C8A: variants seen among roughly 807,000 people sequenced by gnomAD.
The protein encoded by C8A is complement component C8 alpha chain.
Under a neutral mutation model 65.3 loss-of-function variants are expected in C8A, and 67 were observed. The observed-to-expected ratio is 1.03, with a 90% CI of 0.84 to 1.26. C8A has a LOEUF of 1.26. Among genes scored for constraint, C8A ranks in the 50% most tolerant of loss-of-function variants. The probability of loss-of-function intolerance (pLI) is 0.00; values close to 1 mark genes in which losing one functional copy is unlikely to be tolerated. For synonymous variants in C8A, 290 were observed against 259.4 expected, an observed-to-expected ratio of 1.12 and a Z score of -1.13; for missense variants, 781 against 723.9, an observed-to-expected ratio of 1.08 and a Z score of -0.90.
At chr1:56,855,633 T>A (rs1016248303) in intron 1 of C8A, among the ~76,000 whole-genome samples, 4 of 87,880 alleles carry the variant, frequency 4.6e-5, no homozygotes, top group African/African-American at 2.1e-4. Context: ...GCTTGCTTCA[T>A]GGGTTTTTTT....
rs994289973 is a variant in C8A at position 56,865,362 on chromosome 1, C to T, written c.78-2247C>T. Among the ~76,000 whole-genome samples the T allele has an allele frequency of 5.3e-5, 8 of 152,274 alleles. No homozygotes were observed. The South Asian group carries it at 1.7e-3, about 32-fold the overall frequency. ...TGGCAGATTCAGTGTCTGGTGAGGG[C>T]CTACTTCTTCGGTTAACAGGTGATC... On this transcript the variant is annotated intron_variant, in intron 1 of 10. Coordinates refer to ENST00000361249, the MANE Select transcript of C8A (RefSeq NM_000562.3).
intron 1 of C8A, among the ~76,000 whole-genome samples, chr1:56,866,653 T>C (rs1570315983): frequency 6.6e-6 from 1 of 152,174 alleles, no homozygotes; most frequent in Non-Finnish European, 1.5e-5. Context: ...GAGGCTGTGG[T>C]AATTCTAGTG....
intron 7 of C8A, among the ~76,000 whole-genome samples, chr1:56,898,279 G>A (rs1384435775): frequency 2.0e-5 from 3 of 152,068 alleles, no homozygotes; most frequent in Non-Finnish European, 4.4e-5. Context: ...TGACCTCTCA[G>A]AAACCACAGA....
At chr1:56,886,456 A>G (rs1420420159) in intron 7 of C8A, among the ~76,000 whole-genome samples, 1 of 151,996 alleles carries the variant, frequency 6.6e-6, no homozygotes, top group Non-Finnish European at 1.5e-5. Flanking sequence ...AATTGGGGGG[A>G]TTTTGTTATT....
intron 7 of C8A, among the ~76,000 whole-genome samples, chr1:56,891,738 A>G (rs991920405): frequency 2.0e-5 from 3 of 152,250 alleles, no homozygotes; most frequent in Admixed American, 6.5e-5. Context: ...GCACACATAC[A>G]CACATTGAGG....
At chr1:56,855,271 T>A (rs1643962894) in intron 1 of C8A, among the ~76,000 whole-genome samples, 1 of 152,152 alleles carries the variant, frequency 6.6e-6, no homozygotes, top group Non-Finnish European at 1.5e-5. Context: ...TAATAATACC[T>A]CTTCTATAAG....
chr1:56,875,396 GT>G (rs1644188685), intron 3 of C8A, among the ~76,000 whole-genome samples: 1 of 152,122 alleles, frequency 6.6e-6, no homozygotes, highest in Non-Finnish European at 1.5e-5. Flanking sequence ...GCTATCTGCT[GT>G]TAATATAGAC....
intron 7 of C8A, among the ~76,000 whole-genome samples, chr1:56,899,548 C>T (rs1039004690): frequency 6.6e-6 from 1 of 152,188 alleles, no homozygotes; most frequent in African/African-American, 2.4e-5. Flanking sequence ...CCACCCAGTA[C>T]ATAATAGTGC....
Position 56,917,584 on chromosome 1 carries a change from C to G in C8A, c.1623C>G (p.Ser541Arg). 2 of 1,614,156 alleles carry G rather than the reference C, an allele frequency of 1.2e-6. No homozygotes were observed. Among genetic ancestry groups the G allele is most frequent in the Non-Finnish European group, 1.7e-6 (2 of 1,180,024 alleles). ...TQTEGAKADG[S>R]WSCWSSWSVC... ...CTGCAGGAGCCAAAGCAGATGGGAG[C>G]TGGAGTTGCTGGAGCTCCTGGTCTG... Residue 541 changes from serine (S) to arginine (R), a missense_variant, in exon 11 of 11, where the codon AGC becomes AGG. By Grantham distance (110) the Ser-to-Arg change is moderately radical. Coordinates refer to ENST00000361249, the MANE Select transcript of C8A (RefSeq NM_000562.3).
At chr1:56,877,524 C>T (rs533816716) in intron 4 of C8A, among the ~76,000 whole-genome samples, 2 of 152,278 alleles carry the variant, frequency 1.3e-5, no homozygotes, top group African/African-American at 4.8e-5. Flanking sequence ...CTCAGAATGA[C>T]GTTCCAGTAT....
intron 10 of C8A, among the ~76,000 whole-genome samples, chr1:56,913,010 T>G (rs1352572972): frequency 1.3e-5 from 2 of 152,140 alleles, no homozygotes; most frequent in Non-Finnish European, 2.9e-5. Flanking sequence ...CTAGGTTGGT[T>G]CCTGCCAGAG....
chr1:56,869,087 G>T (rs185197966), intron 2 of C8A, among the ~76,000 whole-genome samples: 6 of 151,946 alleles, frequency 3.9e-5, no homozygotes, highest in Non-Finnish European at 7.4e-5. Flanking sequence ...AAGTTCTTTC[G>T]TGGTGATTTC....
At chr1:56,900,829 A>G (rs865906863) in intron 7 of C8A, among the ~76,000 whole-genome samples, 2 of 152,272 alleles carry the variant, frequency 1.3e-5, no homozygotes, top group Middle Eastern at 3.4e-3. Flanking sequence ...CCGAGAGATG[A>G]CTTAGAAGCT....
At chr1:56,865,585 A>G (rs1480424223) in intron 1 of C8A, among the ~76,000 whole-genome samples, 24 of 152,174 alleles carry the variant, frequency 1.6e-4, no homozygotes, top group Non-Finnish European at 1.5e-5. Flanking sequence ...ATCAGTCAGT[A>G]AGACCACTTT....
At chr1:56,876,040 A>G in intron 3 of C8A, 22 bp from the exon 4 acceptor site, 2 of 1,612,140 alleles carry the variant, frequency 1.2e-6, no homozygotes, top group Non-Finnish European at 1.7e-6. Flanking sequence ...CCCGAGGAGC[A>G]GCCACAGTCT....
chr1:56,882,046 C>T (rs1047413218), intron 5 of C8A, among the ~76,000 whole-genome samples: 3 of 152,132 alleles, frequency 2.0e-5, no homozygotes, highest in Non-Finnish European at 4.4e-5. Flanking sequence ...ATTCTGAGAC[C>T]TGTGCTTTTG....
At chr1:56,894,210 G>A (rs1644370843) in intron 7 of C8A, among the ~76,000 whole-genome samples, 1 of 152,084 alleles carries the variant, frequency 6.6e-6, no homozygotes, top group South Asian at 2.1e-4. Flanking sequence ...TCAACTGGGA[G>A]GGAAATCATT....
chr1:56,861,743 A>G (rs1481863554), intron 1 of C8A, among the ~76,000 whole-genome samples: 2 of 152,190 alleles, frequency 1.3e-5, no homozygotes, highest in East Asian at 3.9e-4. Context: ...AAATACCTCT[A>G]TTGTATGATG....
rs563099354 is a variant in C8A, at chr1:56,897,492, G to A, written c.1097-9175G>A. ...GGCTCAGCCAGAAAGTGCTATCATC[G>A]ATTAGTGATGTCTGCCAGAGGCTGG... On this transcript the variant is annotated intron_variant, in intron 7 of 10. Transcript: ENST00000361249. 3.9e-5 allele frequency among the ~76,000 whole-genome samples: 6 copies of A among 152,314 alleles called. No individual in the cohort carries two copies. In the East Asian group the frequency reaches 5.8e-4, roughly 15 times the overall value.
Sources: gnomAD v4.1 joint callset for allele counts (sites outside exome capture counted in the v4.1 genomes callset) on GRCh38, gnomAD v4.1.1 for gene constraint, MANE v1.5 for transcripts, NCBI Gene and HGNC (gene_info 2026-07-23, HGNC 2026-07-21) for gene names.